LRRK2: variants seen among roughly 807,000 people sequenced by gnomAD.
LRRK2 encodes the protein leucine-rich repeat serine/threonine-protein kinase 2.
LRRK2 carries 203 observed loss-of-function variants against 302.6 expected under a neutral mutation model. The ratio of observed to expected loss-of-function variants is 0.67; its 90% CI spans 0.60 to 0.75. The LOEUF (loss-of-function observed/expected upper bound fraction) is 0.75. Among genes scored for constraint, LRRK2 ranks in the 30% least tolerant of loss-of-function variants. The probability of loss-of-function intolerance (pLI) is 0.00; values close to 1 mark genes in which losing one functional copy is unlikely to be tolerated. For synonymous variants in LRRK2, 1,066 were observed against 1,031.9 expected (o/e 1.03, Z -0.63); for missense variants, 2,830 against 2,951.0 (o/e 0.96, Z 0.95).
rs566749239 is a variant in LRRK2, at chr12:40,249,724, A to G, written c.839-102A>G. 12 of 1,305,598 alleles carry G rather than the reference A, an allele frequency of 9.2e-6. No homozygotes were observed. The Admixed American group carries it at 1.2e-4, about 13-fold the overall frequency. 80.9% of individuals were successfully genotyped at this position (1,305,598 alleles called of 1,614,324 possible). ...AGTAAATGTTTTAATGCCATTGAAT[A>G]TTCATCACCATTCAAAATTATTGAT... On this transcript the variant is annotated intron_variant, in intron 7 of 50. Coordinates refer to ENST00000298910, the MANE Select transcript of LRRK2 (RefSeq NM_198578.4).
chr12:40,345,296 T>C (rs1946157768), intron 41 of LRRK2, among the ~76,000 whole-genome samples: 1 of 152,132 alleles, frequency 6.6e-6, no homozygotes, highest in Non-Finnish European at 1.5e-5. Context: ...CAACTTTTTA[T>C]TTTGAAAATG....
At chr12:40,305,726 T>A in intron 27 of LRRK2, 59 bp from the exon 28 acceptor site, 1 of 1,461,834 alleles carries the variant, frequency 6.8e-7, no homozygotes, top group Non-Finnish European at 9.6e-7. Flanking sequence ...TCACGTTTTT[T>A]GGCAGAGCAC....
At chr12:40,277,848 G>A (rs200597628) in intron 16 of LRRK2, 40 bp from the exon 17 acceptor site, 1 of 1,522,688 alleles carries the variant, frequency 6.6e-7, no homozygotes, top group East Asian at 2.4e-5. Context: ...CATTTTGCCT[G>A]TAATTGCTTA....
intron 20 of LRRK2, among the ~76,000 whole-genome samples, chr12:40,290,008 C>A (rs1003392278): frequency 6.6e-6 from 1 of 151,788 alleles, no homozygotes; most frequent in African/African-American, 2.4e-5. Context: ...TCCCTGGTTT[C>A]CAAACTTAGA....
At chr12:40,257,773 C>T (rs1046850273) in intron 12 of LRRK2, among the ~76,000 whole-genome samples, 31 of 152,292 alleles carry the variant, frequency 2.0e-4, no homozygotes, top group African/African-American at 7.2e-4. Flanking sequence ...TCTGAATGAA[C>T]TTTGTCTTCT....
intron 47 of LRRK2, 21 bp from the exon 48 acceptor site, chr12:40,363,381 T>C (rs1318746155): frequency 6.5e-7 from 1 of 1,548,998 alleles, no homozygotes; most frequent in African/African-American, 1.6e-5. Context: ...GTGATGACTT[T>C]CTATTTTTTT....
intron 38 of LRRK2, among the ~76,000 whole-genome samples, chr12:40,325,154 G>C (rs1945505671): frequency 6.6e-6 from 1 of 152,144 alleles, no homozygotes; most frequent in African/African-American, 2.4e-5. Context: ...TGGGTGTGGT[G>C]GTGGGCATCT....
intron 2 of LRRK2, 32 bp downstream of exon 2, chr12:40,225,672 T>C (rs201452811): frequency 1.3e-6 from 2 of 1,566,180 alleles, no homozygotes; most frequent in Non-Finnish European, 1.8e-6. Context: ...CAACTCATTC[T>C]CCCTTCTGTT....
chr12:40,242,889 G>A (rs559894472), intron 6 of LRRK2, among the ~76,000 whole-genome samples: 5 of 137,268 alleles, frequency 3.6e-5, no homozygotes, highest in South Asian at 4.7e-4. Flanking sequence ...CCAGGATGAC[G>A]ATGATGATGG....
intron 38 of LRRK2, among the ~76,000 whole-genome samples, chr12:40,326,828 A>G (rs1054856077): frequency 6.6e-6 from 1 of 152,260 alleles, no homozygotes; most frequent in African/African-American, 2.4e-5. Context: ...GGATAGAATG[A>G]GAGAATACCA....
rs1374669262 is a variant in LRRK2 at position 40,265,770 on chromosome 12, A to G, written c.1656+1869A>G. On this transcript the variant is annotated intron_variant, in intron 14 of 50. Transcript: ENST00000298910. ...CAAACTATACTACAAAGCTACAGTA[A>G]CCAAAACAGCATGGTACTGGTACCA... is the stretch of plus-strand genomic sequence containing the variant. Among the ~76,000 whole-genome samples the G allele has an allele frequency of 2.0e-5, 3 of 152,186 alleles. No individual in the cohort carries two copies. In the East Asian group the frequency reaches 5.8e-4, roughly 29 times the overall value.
At chr12:40,235,816 G>C in intron 4 of LRRK2, 102 bp downstream of exon 4, 1 of 609,342 alleles carries the variant, frequency 1.6e-6, no homozygotes, top group Non-Finnish European at 2.8e-6. Flanking sequence ...TTTTTTTGAA[G>C]ATCAGGATTA....
intron 14 of LRRK2, 58 bp downstream of exon 14, chr12:40,263,959 G>A: frequency 1.6e-6 from 2 of 1,285,542 alleles, no homozygotes; most frequent in South Asian, 2.5e-5. Flanking sequence ...TAAATTTGGA[G>A]AACTAGGGGC....
intron 14 of LRRK2, among the ~76,000 whole-genome samples, chr12:40,267,942 A>C (rs988653237): frequency 1.3e-5 from 2 of 152,224 alleles, no homozygotes; most frequent in African/African-American, 2.4e-5. Flanking sequence ...TGGAGAGCAG[A>C]GTTCCAAATA....
chr12:40,302,013 C>T (rs552229687), intron 25 of LRRK2, among the ~76,000 whole-genome samples: 1 of 152,104 alleles, frequency 6.6e-6, no homozygotes, highest in South Asian at 2.1e-4. Context: ...CCCATCTCTA[C>T]TAAAAATACA....
rs1259375261 is a variant in LRRK2 at position 40,320,039 on chromosome 12, T to A, written c.4879T>A (p.Ser1627Thr). The change falls in exon 34 of 51, where the codon TCG becomes ACG. Residue 1627 changes from serine (S) to threonine (T), a missense_variant. Physicochemically the swap from Ser to Thr is moderately conservative, Grantham distance 58 (BLOSUM62 1). Transcript: ENST00000298910. ...TCCAAAACACCCTAAGGGCATTATT[T>A]CGCGTAGAGATGTGGAAAAATTTCT... ...GCPKHPKGII[S>T]RRDVEKFLSK... 1.4e-5 allele frequency: 23 copies of A among 1,611,890 alleles called. No homozygotes were observed. The highest frequency in any genetic ancestry group is 1.7e-5 in the Non-Finnish European group (20 of 1,178,676).
chr12:40,308,257 T>G (rs1244887450), intron 28 of LRRK2, among the ~76,000 whole-genome samples: 2 of 152,138 alleles, frequency 1.3e-5, no homozygotes, highest in Non-Finnish European at 2.9e-5. Flanking sequence ...TCTTTGGTGA[T>G]TTTACCAAAC....
chr12:40,292,883 TA>T (rs1349734918), intron 20 of LRRK2, among the ~76,000 whole-genome samples: 2 of 152,054 alleles, frequency 1.3e-5, no homozygotes, highest in Admixed American at 6.6e-5. Flanking sequence ...CCTTATTTTA[TA>T]AAACAATTAT....
chr12:40,360,295 T>C (rs1393614483), intron 47 of LRRK2, among the ~76,000 whole-genome samples: 1 of 152,094 alleles, frequency 6.6e-6, no homozygotes, highest in Admixed American at 6.6e-5. Flanking sequence ...GCTATTATTA[T>C]TATTATTAGC....
Sources: gnomAD v4.1 joint callset for allele counts (sites outside exome capture counted in the v4.1 genomes callset) on GRCh38, gnomAD v4.1.1 for gene constraint, MANE v1.5 for transcripts, NCBI Gene and HGNC (gene_info 2026-07-23, HGNC 2026-07-21) for gene names.